ACOX3: variants seen among roughly 807,000 people sequenced by gnomAD.
The protein encoded by ACOX3 is acyl-CoA oxidase 3, pristanoyl.
Under a neutral mutation model 81.5 loss-of-function variants are expected in ACOX3, and 73 were observed. The observed-to-expected ratio is 0.90, with a 90% CI of 0.74 to 1.09. The LOEUF is 1.09. ACOX3 is among the 50% of genes least tolerant of loss of function. The pLI is 0.00. For missense variants in ACOX3, 947 were observed against 928.0 expected, an observed-to-expected ratio of 1.02 and a Z score of -0.27; for synonymous variants, 387 against 375.1, an observed-to-expected ratio of 1.03 and a Z score of -0.37.
chr4:8,389,714 T>G lies in ACOX3; in HGVS notation c.1321A>C (p.Arg441=). 2 of 1,614,042 alleles carry G rather than the reference T, an allele frequency of 1.2e-6. No individual in the cohort carries two copies. The highest frequency in any genetic ancestry group is 1.7e-6 in the Non-Finnish European group (2 of 1,179,960). The part of the protein sequence containing the change: ...YLAMNRLGVL[R]DDNDPNCTYE... ...GTGCAGTTGGGATCGTTGTCATCTC[T>G]AAGGACACCCAACCGGTTCACTGCA... is the stretch of plus-strand genomic sequence containing the variant. Residue 441 remains arginine, a synonymous_variant, in exon 12 of 18, where the codon AGA becomes CGA. Transcript: ENST00000356406. The surrounding 1 kb of genome is among the most constrained non-coding windows in gnomAD (Gnocchi z 5.3).
In ACOX3 at chr4:8,386,120, G is replaced by C. The variant is rs1304222812; in HGVS notation, c.1537+3053C>G. On this transcript the variant is annotated intron_variant, in intron 13 of 17. Transcript: ENST00000356406. The surrounding 1 kb of genome is among the most constrained non-coding windows in gnomAD (Gnocchi z 5.2). Reference sequence around the variant, plus strand: ...AGGGGAGGGAAGAGCAGAGCGTGATGGGCACATGGAGAAGCTGGCTGTCCC... The same window carrying C: ...AGGGGAGGGAAGAGCAGAGCGTGATCGGCACATGGAGAAGCTGGCTGTCCC... 2.0e-5 allele frequency among the ~76,000 whole-genome samples: 3 copies of C among 152,144 alleles called. No individual in the cohort carries two copies. Among genetic ancestry groups the C allele is most frequent in the Non-Finnish European group, 4.4e-5 (3 of 68,026 alleles).
At chr4:8,387,978 T>TA (rs991623663) in intron 13 of ACOX3, among the ~76,000 whole-genome samples, 9 of 152,166 alleles carry the variant, frequency 5.9e-5, no homozygotes, top group Admixed American at 1.3e-4. Flanking sequence ...GGAACATTTT[T>TA]AAAAATATGA....
chr4:8,410,486 A>T lies in ACOX3; in HGVS notation c.544-131T>A, dbSNP rs1578956885. The T allele has an allele frequency of 8.1e-6, 10 of 1,235,740 alleles. 1 individual carries two copies. The East Asian group carries it at 2.5e-4, about 31-fold the overall frequency. 76.5% of individuals were successfully genotyped at this position (1,235,740 alleles called of 1,614,324 possible). ...AGGCAAGAGTTGAAACTAATCGCAC[A>T]TTTTAGTTCTTGTATGGCACAGGCA... On this transcript the variant is annotated intron_variant, in intron 5 of 17. Coordinates refer to ENST00000356406, the MANE Select transcript of ACOX3 (RefSeq NM_003501.3).
intron 13 of ACOX3, among the ~76,000 whole-genome samples, chr4:8,383,563 G>A (rs1374678619): frequency 6.6e-6 from 1 of 152,120 alleles, no homozygotes; most frequent in Non-Finnish European, 1.5e-5. Context: ...GGCGGGAAAA[G>A]CCCCCCCACC....
Position 8,399,839 on chromosome 4 carries a change from C to T in ACOX3, c.777-187G>A, listed in dbSNP as rs1322335794. 2.0e-5 allele frequency among the ~76,000 whole-genome samples: 3 copies of T among 152,212 alleles called. No individual in the cohort carries two copies. The highest frequency in any genetic ancestry group is 4.4e-5 in the Non-Finnish European group (3 of 68,038). On this transcript the variant is annotated intron_variant, in intron 7 of 17. Transcript: ENST00000356406. This position sits in a 1 kb window ranked among gnomAD's most constrained non-coding sequence, Gnocchi z 4.9. The stretch of plus-strand genomic sequence containing the variant: ...GTCTAGTCAGGAACAGTGGCTCACG[C>T]CCAGAATCCCAACTCTTTGGAAGAC...
At chr4:8,388,452 C>T (rs1382239710) in intron 13 of ACOX3, among the ~76,000 whole-genome samples, 1 of 152,250 alleles carries the variant, frequency 6.6e-6, no homozygotes, top group African/African-American at 2.4e-5. Flanking sequence ...GAGGGATCCC[C>T]TGTCAGGATC....
chr4:8,409,365 G>A (rs1194713967), intron 6 of ACOX3, among the ~76,000 whole-genome samples: 1 of 152,204 alleles, frequency 6.6e-6, no homozygotes, highest in Non-Finnish European at 1.5e-5. Context: ...GTGCACTGTG[G>A]GCAGGGCTGT....
rs1472273283 is a variant in ACOX3, at chr4:8,423,860, T to C, written c.-14-7325A>G. Among the ~76,000 whole-genome samples, 1 of 152,230 alleles carries C rather than the reference T, an allele frequency of 6.6e-6. No homozygotes were observed. The highest frequency in any genetic ancestry group is 1.5e-5 in the Non-Finnish European group (1 of 68,046). ...GGGTTCATGGACAGCCCCCATCTATTTGGCCAGGCATTAGCCCGAGACTTG... is the reference window on the plus strand; with the variant it reads ...GGGTTCATGGACAGCCCCCATCTATCTGGCCAGGCATTAGCCCGAGACTTG... On this transcript the variant is annotated intron_variant, in intron 1 of 17. Coordinates refer to ENST00000356406, the MANE Select transcript of ACOX3 (RefSeq NM_003501.3). The surrounding 1 kb of genome is among the most constrained non-coding windows in gnomAD (Gnocchi z 4.2).
At chr4:8,369,756 A>G (rs562938311) in intron 17 of ACOX3, among the ~76,000 whole-genome samples, 286 of 152,346 alleles carry the variant, frequency 1.9e-3, no homozygotes, top group Non-Finnish European at 3.5e-3. Context: ...GGTCCTGCCC[A>G]CTAAGGCTCA....
At chr4:8,372,151 G>T (rs1560165523) in intron 16 of ACOX3, among the ~76,000 whole-genome samples, 1 of 152,218 alleles carries the variant, frequency 6.6e-6, no homozygotes, top group Non-Finnish European at 1.5e-5. Flanking sequence ...AGGCTGGAGT[G>T]TGATGGTGCA....
rs1323727997 is a variant in ACOX3, at chr4:8,366,623, C to T, written c.*338G>A. 3 of 185,338 alleles carry T rather than the reference C, an allele frequency of 1.6e-5. No homozygotes were observed. The highest frequency in any genetic ancestry group is 2.9e-4 in the East Asian group (2 of 6,972). 11.5% of individuals were successfully genotyped at this position (185,338 alleles called of 1,614,324 possible). ...CACAGGTTGTCTGACCAGAAGATCCCTGACAATGGGCTGTTTACTTTAGAG... is the reference window on the plus strand; with the variant it reads ...CACAGGTTGTCTGACCAGAAGATCCTTGACAATGGGCTGTTTACTTTAGAG... On this transcript the variant is annotated 3_prime_UTR_variant, in exon 18 of 18. Transcript: ENST00000356406.
Position 8,384,847 on chromosome 4 carries a change from T to C in ACOX3, c.1538-3240A>G, listed in dbSNP as rs961230334. The stretch of plus-strand genomic sequence containing the variant: ...CAGATCACAGGCCCGGGTCTGACCA[T>C]GCCCGCCGCTCTGGTGCTCCTGAAT... On this transcript the variant is annotated intron_variant, in intron 13 of 17. Transcript: ENST00000356406. The surrounding 1 kb of genome is among the most constrained non-coding windows in gnomAD (Gnocchi z 5.3). Among the ~76,000 whole-genome samples the C allele has an allele frequency of 1.3e-5, 2 of 152,140 alleles. No homozygotes were observed. Among genetic ancestry groups the C allele is most frequent in the African/African-American group, 4.8e-5 (2 of 41,426 alleles).
rs1392297768 is a variant in ACOX3, at chr4:8,394,392, A to C, written c.1179+228T>G. Among the ~76,000 whole-genome samples the C allele has an allele frequency of 1.3e-5, 2 of 152,336 alleles. No individual in the cohort carries two copies. The highest frequency in any genetic ancestry group is 3.9e-4 in the East Asian group (2 of 5,184). ...CCAACAGCTGAACTCACAGACTGGA[A>C]CCGGGAGTCGTGTCAGCACATCCTT... On this transcript the variant is annotated intron_variant, in intron 10 of 17. Transcript: ENST00000356406. This position sits in a 1 kb window ranked among gnomAD's most constrained non-coding sequence, Gnocchi z 5.9.
At chr4:8,422,503 T>C (rs1290504548) in intron 1 of ACOX3, among the ~76,000 whole-genome samples, 1 of 152,050 alleles carries the variant, frequency 6.6e-6, no homozygotes, top group Non-Finnish European at 1.5e-5. Flanking sequence ...ACAATAGAGA[T>C]CAGGAGGAGC....
the ACOX3 span, among the ~76,000 whole-genome samples, chr4:8,359,067 G>C: frequency 2.0e-5 from 3 of 152,072 alleles, no homozygotes; most frequent in Non-Finnish European, 4.4e-5. This position sits in a 1 kb window ranked among gnomAD's most constrained non-coding sequence, Gnocchi z 6.0. Flanking sequence ...GGTTTACTTT[G>C]GTTAAGTGAT....
intron 10 of ACOX3, among the ~76,000 whole-genome samples, chr4:8,393,631 A>ATG (rs1719315082): frequency 3.1e-5 from 2 of 64,334 alleles, no homozygotes; most frequent in Non-Finnish European, 7.9e-5. Flanking sequence ...ACACACACAC[A>ATG]CACACGCACA....
intron 1 of ACOX3, among the ~76,000 whole-genome samples, chr4:8,426,833 A>T (rs930950449): frequency 1.3e-5 from 2 of 152,264 alleles, no homozygotes; most frequent in Admixed American, 1.3e-4. Context: ...TCCATGACTA[A>T]GATCTACCGT....
downstream of ACOX3, among the ~76,000 whole-genome samples, chr4:8,364,865 T>A (rs557356159): frequency 8.5e-5 from 13 of 152,220 alleles, no homozygotes; most frequent in African/African-American, 3.1e-4. This position sits in a 1 kb window ranked among gnomAD's most constrained non-coding sequence, Gnocchi z 5.0. Flanking sequence ...AAGCTGTTAC[T>A]TGGGAGACAA....
intron 1 of ACOX3, among the ~76,000 whole-genome samples, chr4:8,438,381 G>A (rs186896999): frequency 5.3e-5 from 8 of 152,268 alleles, no homozygotes; most frequent in East Asian, 1.9e-4. Flanking sequence ...CTGGACACTC[G>A]AGCAGCTACT....
Sources: gnomAD v4.1 joint callset for allele counts (sites outside exome capture counted in the v4.1 genomes callset) on GRCh38, gnomAD v4.1.1 for gene constraint, Gnocchi (gnomAD v3.1) non-coding constraint, MANE v1.5 for transcripts, NCBI Gene and HGNC (gene_info 2026-07-23, HGNC 2026-07-21) for gene names.